EFCAB3: variants seen among roughly 807,000 people sequenced by gnomAD.
EFCAB3 encodes EF-hand calcium binding domain 3.
Under a neutral mutation model 42.2 loss-of-function variants are expected in EFCAB3, and 36 were observed. That is an observed-to-expected ratio of 0.85 (90% CI 0.65 to 1.13). EFCAB3 has a LOEUF of 1.13. Ranked by LOEUF, EFCAB3 falls within the 50% of genes most tolerant of loss-of-function variation. The pLI is 0.00. For synonymous variants in EFCAB3, 170 were observed against 172.8 expected, an observed-to-expected ratio of 0.98 and a Z score of 0.13; for missense variants, 418 against 505.1, an observed-to-expected ratio of 0.83 and a Z score of 1.65.
intron 6 of EFCAB3, among the ~76,000 whole-genome samples, chr17:62,402,061 G>A (rs2070407852): frequency 6.6e-6 from 1 of 152,110 alleles, no homozygotes; most frequent in Non-Finnish European, 1.5e-5. Context: ...ATTGTGAATG[G>A]GAGTACACTC....
chr17:62,374,192 G>A (rs8071676), intron 2 of EFCAB3, among the ~76,000 whole-genome samples: 1,961 of 152,268 alleles, frequency 0.013, 38 homozygotes, highest in African/African-American at 0.045. Context: ...CGGGCACGGT[G>A]GCTCATGCCT....
intron 6 of EFCAB3, chr17:62,397,501 C>T: frequency 1.8e-6 from 1 of 568,616 alleles, no homozygotes; most frequent in South Asian, 1.4e-5. Context: ...TGGGCACAGC[C>T]CTGAAGGCCA....
chr17:62,375,157 T>C (rs1160783365), intron 2 of EFCAB3, among the ~76,000 whole-genome samples: 1 of 152,202 alleles, frequency 6.6e-6, no homozygotes, highest in Non-Finnish European at 1.5e-5. Context: ...ATTTAAGGTA[T>C]ATTATGCAAG....
chr17:62,414,045 A>T (rs1255852149), intron 9 of EFCAB3, among the ~76,000 whole-genome samples, 191 bp downstream of exon 9: 1 of 152,258 alleles, frequency 6.6e-6, no homozygotes, highest in Non-Finnish European at 1.5e-5. Context: ...TCAAATGTTA[A>T]GTGTTATGAT....
chr17:62,415,521 T>G (rs113416170), intron 9 of EFCAB3, among the ~76,000 whole-genome samples: 4,815 of 152,212 alleles, frequency 0.032, 259 homozygotes, highest in African/African-American at 0.11. Context: ...ACCAAGTGCC[T>G]GAACCCTCCT....
chr17:62,402,250 C>T (rs1381847404), intron 6 of EFCAB3, among the ~76,000 whole-genome samples: 2 of 152,180 alleles, frequency 1.3e-5, no homozygotes, highest in Non-Finnish European at 2.9e-5. Flanking sequence ...GACAATTTGA[C>T]TGCCTCTTTT....
chr17:62,403,598 G>A (rs1408393504), intron 6 of EFCAB3, among the ~76,000 whole-genome samples: 4 of 152,138 alleles, frequency 2.6e-5, no homozygotes. Context: ...CATTTCAAAG[G>A]TCCTTCATAA....
chr17:62,375,282 T>G (rs1457372931), intron 2 of EFCAB3, among the ~76,000 whole-genome samples: 2 of 152,204 alleles, frequency 1.3e-5, no homozygotes, highest in Non-Finnish European at 2.9e-5. Context: ...ATCTACCTTT[T>G]AATAAGCCCA....
At chr17:62,401,510 T>C (rs2070402888) in intron 6 of EFCAB3, among the ~76,000 whole-genome samples, 2 of 152,228 alleles carry the variant, frequency 1.3e-5, no homozygotes, top group African/African-American at 4.8e-5. Context: ...TACATATGGC[T>C]AGCCAGTTTT....
In EFCAB3 at chr17:62,407,018, A is replaced by T. The variant is rs1296321272; in HGVS notation, c.683-10A>T. On this transcript the variant is annotated splice_polypyrimidine_tract_variant and intron_variant, in intron 7 of 9. Coordinates refer to ENST00000305286, the MANE Select transcript of EFCAB3 (RefSeq NM_173503.4). ...TGTTTGTGATACCATTTTTGTTTTT[A>T]TCTTTTTAGGATGCAATTCCGGTTC... The T allele has an allele frequency of 6.4e-7, 1 of 1,568,208 alleles. No homozygotes were observed. Among genetic ancestry groups the T allele is most frequent in the Admixed American group, 2.1e-5 (1 of 47,846 alleles).
chr17:62,394,115 G>A lies in EFCAB3; in HGVS notation c.367+471G>A, dbSNP rs1398405115. On this transcript the variant is annotated intron_variant, in intron 5 of 9. Coordinates refer to ENST00000305286, the MANE Select transcript of EFCAB3 (RefSeq NM_173503.4). ...ACTACAGGCGCCCGCCACCATGCCC[G>A]GCTAATTTTTTGTATTTTTAGTAGA... 5.3e-5 allele frequency among the ~76,000 whole-genome samples: 8 copies of A among 151,946 alleles called. No homozygotes were observed. The East Asian group carries it at 9.7e-4, about 18-fold the overall frequency.
At chr17:62,398,729 A>G (rs1311830748) in intron 6 of EFCAB3, among the ~76,000 whole-genome samples, 1 of 152,164 alleles carries the variant, frequency 6.6e-6, no homozygotes, top group African/African-American at 2.4e-5. Context: ...ACACATATAT[A>G]TATGTATAAA....
At position 62,407,026 on chromosome 17, in the gene EFCAB3, A is replaced by G. The variant is rs2070453714; in HGVS notation, c.683-2A>G. Reference sequence around the variant, plus strand: ...ATACCATTTTTGTTTTTATCTTTTTAGGATGCAATTCCGGTTCAGATAGCC... The same window carrying G: ...ATACCATTTTTGTTTTTATCTTTTTGGGATGCAATTCCGGTTCAGATAGCC... On this transcript the variant is annotated splice_acceptor_variant, in intron 7 of 9. Transcript: ENST00000305286. LOFTEE classifies it high-confidence loss of function. 2 of 1,571,262 alleles carry G rather than the reference A, an allele frequency of 1.3e-6. No homozygotes were observed. The highest frequency in any genetic ancestry group is 1.7e-6 in the Non-Finnish European group (2 of 1,164,840).
chr17:62,400,365 T>C (rs1428148147), intron 6 of EFCAB3, among the ~76,000 whole-genome samples: 3 of 152,252 alleles, frequency 2.0e-5, no homozygotes, highest in Non-Finnish European at 1.5e-5. Flanking sequence ...TCTCCTAATG[T>C]TATCCCTCCC....
At chr17:62,396,398 C>A (rs1598014099) in intron 6 of EFCAB3, among the ~76,000 whole-genome samples, 3 of 151,898 alleles carry the variant, frequency 2.0e-5, no homozygotes, top group Admixed American at 2.0e-4. Context: ...ACTAAAAATA[C>A]AAAAATTAGC....
At chr17:62,409,109 A>G (rs1037840803) in intron 8 of EFCAB3, among the ~76,000 whole-genome samples, 13 of 152,208 alleles carry the variant, frequency 8.5e-5, no homozygotes, top group African/African-American at 3.1e-4. Context: ...CCAGGCTGGA[A>G]TACAGTGGCG....
At chr17:62,401,708 G>A (rs1335147751) in intron 6 of EFCAB3, among the ~76,000 whole-genome samples, 3 of 152,174 alleles carry the variant, frequency 2.0e-5, no homozygotes, top group Non-Finnish European at 2.9e-5. Flanking sequence ...AATATAGTTT[G>A]AAGTCAGGTA....
Position 62,391,971 on chromosome 17 carries a change from T to A in EFCAB3, c.295+6T>A, listed in dbSNP as rs200116810. ...GAAATGTGCTGATATTGATCGTGAG[T>A]CCTTTGGCTTCTCATTGTTTTTCTC... On this transcript the variant is annotated splice_donor_region_variant and intron_variant, in intron 4 of 9. Transcript: ENST00000305286. 32 of 1,588,114 alleles carry A rather than the reference T, an allele frequency of 2.0e-5. No homozygotes were observed. The highest frequency in any genetic ancestry group is 2.6e-5 in the Non-Finnish European group (30 of 1,165,204).
At chr17:62,378,096 T>C, upstream of EFCAB3, 1 of 1,195,472 alleles carries the variant, frequency 8.4e-7, no homozygotes, top group South Asian at 1.5e-5. Flanking sequence ...ATACCTTAGT[T>C]ACTTTCCCTA....
Sources: allele counts gnomAD v4.1 joint callset (sites outside exome capture counted in the v4.1 genomes callset), GRCh38; gene constraint gnomAD v4.1.1; transcripts MANE v1.5; gene names NCBI Gene and HGNC (gene_info 2026-07-23, HGNC 2026-07-21).